Variants in CDH18 observed in about 807,000 individuals in gnomAD.
CDH18 encodes cadherin-18.
CDH18 carries 31 observed loss-of-function variants against 67.9 expected under a neutral mutation model. The observed-to-expected ratio is 0.46, with a 90% CI of 0.34 to 0.62. The LOEUF is 0.62. Among genes scored for constraint, CDH18 ranks in the 20% least tolerant of loss-of-function variants. The pLI is 0.01. For synonymous variants in CDH18, 362 were observed against 347.2 expected (o/e 1.04, Z -0.48); for missense variants, 890 against 975.5 (o/e 0.91, Z 1.17).
At chr5:19,592,409 C>A (rs1302033096) in intron 6 of CDH18, among the ~76,000 whole-genome samples, 1 of 151,886 alleles carries the variant, frequency 6.6e-6, no homozygotes, top group African/African-American at 2.4e-5. Flanking sequence ...CTTATTAGAG[C>A]AATTTATTAT....
At chr5:19,696,462 C>T (rs1397273823) in intron 5 of CDH18, among the ~76,000 whole-genome samples, 2 of 151,196 alleles carry the variant, frequency 1.3e-5, no homozygotes, top group East Asian at 2.0e-4. Context: ...CGTGGCCCTG[C>T]GAGGCGGAGT....
intron 2 of CDH18, among the ~76,000 whole-genome samples, chr5:20,140,155 C>A (rs1750109973): frequency 6.6e-6 from 1 of 152,118 alleles, no homozygotes. Flanking sequence ...GGGATGAGTT[C>A]ATGTCCTTTG....
At chr5:19,497,541 G>A (rs1173537475) in intron 11 of CDH18, among the ~76,000 whole-genome samples, 1 of 152,178 alleles carries the variant, frequency 6.6e-6, no homozygotes, top group Non-Finnish European at 1.5e-5. Context: ...CCAAATTCAA[G>A]AGGGTTAGAA....
At chr5:20,355,205 G>A (rs374431351) in intron 1 of CDH18, among the ~76,000 whole-genome samples, 4 of 152,138 alleles carry the variant, frequency 2.6e-5, no homozygotes, top group Admixed American at 6.5e-5. Flanking sequence ...CTAGTAAGAC[G>A]AAGAAACTGC....
intron 5 of CDH18, among the ~76,000 whole-genome samples, chr5:19,667,529 C>A (rs1758142878): frequency 6.7e-6 from 1 of 149,682 alleles, no homozygotes; most frequent in African/African-American, 2.5e-5. Flanking sequence ...CACACACACA[C>A]ATACACACAC....
intron 2 of CDH18, among the ~76,000 whole-genome samples, chr5:19,880,977 CA>C (rs1157089563): frequency 2.6e-5 from 4 of 152,202 alleles, no homozygotes; most frequent in African/African-American, 9.6e-5. Context: ...TCTTACTTAG[CA>C]TGAAGCCTAT....
intron 2 of CDH18, among the ~76,000 whole-genome samples, chr5:20,204,991 G>T (rs1035124100): frequency 1.3e-5 from 2 of 151,580 alleles, no homozygotes; most frequent in African/African-American, 4.8e-5. Flanking sequence ...AGTAAGAAAG[G>T]GAGAAAGGAA....
chr5:19,829,597 T>C (rs374323391), intron 3 of CDH18, among the ~76,000 whole-genome samples: 12 of 152,322 alleles, frequency 7.9e-5, no homozygotes, highest in African/African-American at 2.6e-4. Flanking sequence ...TCCATGCTCA[T>C]GGATAGGAAT....
chr5:20,151,863 CAT>C (rs1046719138), intron 2 of CDH18, among the ~76,000 whole-genome samples: 5 of 151,710 alleles, frequency 3.3e-5, no homozygotes, highest in Non-Finnish European at 5.9e-5. Flanking sequence ...TAATGTATCA[CAT>C]GAGTTCAATA....
chr5:19,839,722 T>C (rs1180875790), intron 2 of CDH18, among the ~76,000 whole-genome samples: 1 of 151,996 alleles, frequency 6.6e-6, no homozygotes, highest in Non-Finnish European at 1.5e-5. Flanking sequence ...ATTGGTAAAG[T>C]TGGGTGTGAG....
At chr5:19,661,836 C>T (rs555050738) in intron 5 of CDH18, among the ~76,000 whole-genome samples, 11 of 152,186 alleles carry the variant, frequency 7.2e-5, no homozygotes, top group Middle Eastern at 3.4e-3. Flanking sequence ...CGCTGTCTAT[C>T]CTTAAATTTG....
At chr5:20,386,895 C>T (rs1331358184) in intron 1 of CDH18, among the ~76,000 whole-genome samples, 4 of 152,078 alleles carry the variant, frequency 2.6e-5, no homozygotes, top group Non-Finnish European at 5.9e-5. Flanking sequence ...TCTCTCTCCT[C>T]TATGTGTGTG....
chr5:19,967,797 C>T (rs184613491), intron 2 of CDH18, among the ~76,000 whole-genome samples: 5 of 152,208 alleles, frequency 3.3e-5, no homozygotes, highest in African/African-American at 1.2e-4. Context: ...GGGATGCCCT[C>T]TCTCACCACT....
chr5:19,958,039 C>T (rs1241027117), intron 2 of CDH18, among the ~76,000 whole-genome samples: 1 of 151,890 alleles, frequency 6.6e-6, no homozygotes, highest in Non-Finnish European at 1.5e-5. Context: ...AAATAAACTA[C>T]CATTTTCACC....
At chr5:19,498,797 G>A (rs1181649972) in intron 11 of CDH18, among the ~76,000 whole-genome samples, 1 of 152,092 alleles carries the variant, frequency 6.6e-6, no homozygotes, top group African/African-American at 2.4e-5. Context: ...AGGGCCTTTA[G>A]GCTTGCTAAA....
At chr5:19,944,801 C>T (rs141141406) in intron 2 of CDH18, among the ~76,000 whole-genome samples, 1 of 152,124 alleles carries the variant, frequency 6.6e-6, no homozygotes, top group East Asian at 1.9e-4. Flanking sequence ...CAATAGACAG[C>T]CATAAAAGGA....
At chr5:19,759,953 C>T (rs1030145370) in intron 3 of CDH18, among the ~76,000 whole-genome samples, 3 of 152,030 alleles carry the variant, frequency 2.0e-5, no homozygotes, top group African/African-American at 4.8e-5. Context: ...TCCATTTAAC[C>T]TAGAAGTTTT....
intron 5 of CDH18, among the ~76,000 whole-genome samples, chr5:19,673,942 T>A (rs991581984): frequency 2.0e-5 from 3 of 152,176 alleles, no homozygotes; most frequent in Non-Finnish European, 4.4e-5. Context: ...ATAAACCACA[T>A]CTTTATTTTT....
At chr5:20,035,446 A>G (rs1739766993) in intron 2 of CDH18, among the ~76,000 whole-genome samples, 1 of 152,070 alleles carries the variant, frequency 6.6e-6, no homozygotes, top group South Asian at 2.1e-4. Flanking sequence ...AAGAGATTTA[A>G]TTAACTCATA....
Sources: allele counts gnomAD v4.1 joint callset (sites outside exome capture counted in the v4.1 genomes callset), GRCh38; gene constraint gnomAD v4.1.1; transcripts MANE v1.5; gene names NCBI Gene and HGNC (gene_info 2026-07-23, HGNC 2026-07-21).